SPMAP1: variants seen among roughly 807,000 people sequenced by gnomAD.
SPMAP1 encodes uncharacterized protein C17orf98.
the SPMAP1 span, among the ~76,000 whole-genome samples, chr17:38,836,547 T>C: frequency 6.6e-6 from 1 of 150,516 alleles, no homozygotes; most frequent in African/African-American, 2.4e-5. Context: ...CTGCAGTGAG[T>C]AGTAATTGTG....
the SPMAP1 span, among the ~76,000 whole-genome samples, chr17:38,839,718 T>C: frequency 6.6e-6 from 1 of 151,492 alleles, no homozygotes; most frequent in East Asian, 2.0e-4. Context: ...GAGAATGGCG[T>C]GAACCCAGGA....
the SPMAP1 span, among the ~76,000 whole-genome samples, chr17:38,839,870 T>C: frequency 6.7e-6 from 1 of 148,554 alleles, no homozygotes; most frequent in Non-Finnish European, 1.5e-5. Context: ...ATACATGCAC[T>C]GCACAGACCT....
chr17:38,835,420 G>A, the SPMAP1 span: 1 of 1,522,200 alleles, frequency 6.6e-7, no homozygotes, highest in Non-Finnish European at 9.0e-7. Flanking sequence ...CCTGGGTGTG[G>A]TATGGGATGC....
the SPMAP1 span, among the ~76,000 whole-genome samples, chr17:38,839,099 A>AG: frequency 6.6e-6 from 1 of 150,874 alleles, no homozygotes; most frequent in Non-Finnish European, 1.5e-5. Flanking sequence ...AAAAAAAAAA[A>AG]AAAAAAAGGA....
the SPMAP1 span, chr17:38,835,223 A>G: frequency 6.2e-7 from 1 of 1,614,216 alleles, no homozygotes; most frequent in East Asian, 2.2e-5. Flanking sequence ...CTCTCCGAAG[A>G]CGGACGTGCT....
At chr17:38,841,385 G>A in the SPMAP1 span, 4 of 1,613,708 alleles carry the variant, frequency 2.5e-6, no homozygotes, top group South Asian at 1.1e-5. Context: ...GCTCAGGTAC[G>A]CCATCCCAAC....
At chr17:38,840,900 G>C in the SPMAP1 span, among the ~76,000 whole-genome samples, 2 of 151,568 alleles carry the variant, frequency 1.3e-5, no homozygotes, top group African/African-American at 4.9e-5. Flanking sequence ...CAGCTACTCG[G>C]GAGGCTGAGG....
chr17:38,837,227 G>A, the SPMAP1 span: 42 of 1,612,790 alleles, frequency 2.6e-5, 1 homozygote, highest in Admixed American at 3.0e-4. Context: ...ATCCCTTCCT[G>A]TACCGCCATG....
the SPMAP1 span, chr17:38,841,296 A>G: frequency 4.3e-6 from 7 of 1,614,042 alleles, no homozygotes; most frequent in Non-Finnish European, 5.9e-6. Flanking sequence ...TTGGGCCTAG[A>G]GCGCCCATAA....
chr17:38,841,058 A>G, the SPMAP1 span: 1 of 632,228 alleles, frequency 1.6e-6, no homozygotes, highest in Non-Finnish European at 2.6e-6. Flanking sequence ...ATAATAATAA[A>G]TAAAAATTTA....
At chr17:38,837,207 C>A in the SPMAP1 span, 2 of 1,614,008 alleles carry the variant, frequency 1.2e-6, no homozygotes, top group South Asian at 2.2e-5. Flanking sequence ...ATGTAGTCTA[C>A]TATCCAGCCA....
At chr17:38,836,081 A>AT in the SPMAP1 span, among the ~76,000 whole-genome samples, 1 of 151,662 alleles carries the variant, frequency 6.6e-6, no homozygotes, top group Non-Finnish European at 1.5e-5. Context: ...CGCCCGGCTA[A>AT]TTTTTTGTAT....
the SPMAP1 span, among the ~76,000 whole-genome samples, chr17:38,840,617 CAAAAAAAAAAAAAAAAAAAAAAAAAA>C: frequency 6.2e-5 from 3 of 48,696 alleles, no homozygotes; most frequent in African/African-American, 9.0e-5. Flanking sequence ...CCCCTCTCTA[CAAAAAAAAAAAAAAAAAAAAAAAAAA>C]AAAAAAAAAA....
the SPMAP1 span, chr17:38,837,141 C>T: frequency 6.2e-7 from 1 of 1,608,342 alleles, no homozygotes; most frequent in Middle Eastern, 1.7e-4. Flanking sequence ...CAGCACTTGC[C>T]TGTCCCTGCC....
chr17:38,839,503 A>G, the SPMAP1 span, among the ~76,000 whole-genome samples: 1 of 149,744 alleles, frequency 6.7e-6, no homozygotes, highest in South Asian at 2.1e-4. Context: ...GAAAAGAAAA[A>G]TTGGGCCGGG....
chr17:38,840,400 C>T, the SPMAP1 span, among the ~76,000 whole-genome samples: 1 of 152,220 alleles, frequency 6.6e-6, no homozygotes, highest in African/African-American at 2.4e-5. Context: ...GCTTTGAGCC[C>T]TATCCCCTTG....
the SPMAP1 span, chr17:38,837,007 G>T: frequency 8.6e-6 from 6 of 696,280 alleles, no homozygotes; most frequent in Non-Finnish European, 1.1e-5. Flanking sequence ...TAATATTAGG[G>T]GGCACTGTGG....
chr17:38,835,107 T>G, the SPMAP1 span: 2 of 1,469,004 alleles, frequency 1.4e-6, no homozygotes, highest in Non-Finnish European at 9.4e-7. Context: ...ATTAATTTTT[T>G]TAACGTAAAA....
At chr17:38,835,402 C>T in the SPMAP1 span, 17 of 1,592,000 alleles carry the variant, frequency 1.1e-5, no homozygotes, top group Non-Finnish European at 1.5e-5. Context: ...TCTTGGCTTC[C>T]CCATTCCCCT....
Sources: gnomAD v4.1 joint callset for allele counts (sites outside exome capture counted in the v4.1 genomes callset) on GRCh38, gnomAD v4.1.1 for gene constraint, MANE v1.5 for transcripts, NCBI Gene and HGNC (gene_info 2026-07-23, HGNC 2026-07-21) for gene names.